Variants in HCRTR2 observed in about 807,000 individuals in gnomAD.
HCRTR2 encodes the protein orexin receptor type 2.
A neutral mutation model predicts 49.0 loss-of-function variants in HCRTR2; 22 were observed. That is an observed-to-expected ratio of 0.45 (90% CI 0.32 to 0.64). The LOEUF is 0.64. Ranked by LOEUF, HCRTR2 falls within the 30% of genes least tolerant of loss-of-function variation. HCRTR2 has a pLI of 0.04. For synonymous variants in HCRTR2, 236 were observed against 205.3 expected (o/e 1.15, Z -1.28); for missense variants, 491 against 559.4 (o/e 0.88, Z 1.23).
intron 1 of HCRTR2, among the ~76,000 whole-genome samples, chr6:55,212,923 T>C (rs1208149030): frequency 1.3e-5 from 2 of 152,120 alleles, no homozygotes; most frequent in Non-Finnish European, 2.9e-5. Flanking sequence ...TCAAAAAATA[T>C]ACTACAAAAA....
At chr6:55,240,689 G>A in intron 1 of HCRTR2, 1 of 297,504 alleles carries the variant, frequency 3.4e-6, no homozygotes, top group Non-Finnish European at 6.9e-6. Context: ...TCAGGATTTG[G>A]TGGAGAGTTT....
intron 1 of HCRTR2, among the ~76,000 whole-genome samples, chr6:55,189,342 A>T (rs1443991520): frequency 6.6e-6 from 1 of 152,236 alleles, no homozygotes; most frequent in Non-Finnish European, 1.5e-5. Flanking sequence ...TCTTCAGGGC[A>T]GTTGTTGTGA....
At chr6:55,221,596 G>A (rs768687561) in intron 1 of HCRTR2, among the ~76,000 whole-genome samples, 18 of 152,070 alleles carry the variant, frequency 1.2e-4, no homozygotes, top group Non-Finnish European at 1.3e-4. Context: ...GTCAGATCAC[G>A]AGGTCAGAAG....
intron 1 of HCRTR2, among the ~76,000 whole-genome samples, chr6:55,184,803 G>A: frequency 6.6e-6 from 1 of 152,136 alleles, no homozygotes; most frequent in East Asian, 1.9e-4. Context: ...CCTACTCAGT[G>A]ACTCTAAAAT....
In HCRTR2 at chr6:55,267,904, G is replaced by A. The variant is rs115048363; in HGVS notation, c.762+4082G>A. Among the ~76,000 whole-genome samples, 534 of 152,218 alleles carry A rather than the reference G, an allele frequency of 3.5e-3. 2 individuals carry two copies. The highest frequency in any genetic ancestry group is 0.012 in the African/African-American group (502 of 41,538). ...TCGAGTCCATACAAAAAAAAATAAG[G>A]AGCACCAGTAAAGGTAACTACATAG... On this transcript the variant is annotated intron_variant, in intron 4 of 6. Coordinates refer to ENST00000370862, the MANE Select transcript of HCRTR2 (RefSeq NM_001384272.1).
At chr6:55,221,075 A>C (rs1378842940) in intron 1 of HCRTR2, among the ~76,000 whole-genome samples, 1 of 152,204 alleles carries the variant, frequency 6.6e-6, no homozygotes, top group Non-Finnish European at 1.5e-5. Context: ...TAGAAAGATA[A>C]TTCTGTTTTC....
At chr6:55,121,575 C>T (rs966152179) in intron 1 of HCRTR2, among the ~76,000 whole-genome samples, 1 of 152,154 alleles carries the variant, frequency 6.6e-6, no homozygotes, top group Admixed American at 6.6e-5. Flanking sequence ...TTTTCCCATT[C>T]AGTATGATAT....
At chr6:55,213,265 T>C (rs1765727695) in intron 1 of HCRTR2, among the ~76,000 whole-genome samples, 2 of 152,310 alleles carry the variant, frequency 1.3e-5, no homozygotes, top group South Asian at 4.1e-4. Context: ...GGATATTGTT[T>C]ATGAAAGGTT....
At chr6:55,150,319 C>A (rs199930788) in intron 1 of HCRTR2, among the ~76,000 whole-genome samples, 2,990 of 150,884 alleles carry the variant, frequency 0.02, 198 homozygotes, top group Admixed American at 0.13. Flanking sequence ...GTTCTTTCTT[C>A]TTATTATTAT....
At chr6:55,164,445 T>C (rs1454110025) in intron 1 of HCRTR2, among the ~76,000 whole-genome samples, 3 of 151,952 alleles carry the variant, frequency 2.0e-5, no homozygotes, top group Non-Finnish European at 4.4e-5. Flanking sequence ...TATGCAGCCA[T>C]AAAAAAGGAT....
chr6:55,272,776 T>C (rs1358990492), intron 4 of HCRTR2, among the ~76,000 whole-genome samples: 5 of 150,486 alleles, frequency 3.3e-5, no homozygotes, highest in African/African-American at 9.8e-5. Context: ...AAATGGTCCA[T>C]AGATGTGCAA....
At chr6:55,190,638 A>G (rs1377963716) in intron 1 of HCRTR2, among the ~76,000 whole-genome samples, 1 of 152,232 alleles carries the variant, frequency 6.6e-6, no homozygotes. Context: ...CTGGATAGTG[A>G]ATAAGTGATT....
rs866956198 is a variant in HCRTR2, at chr6:55,208,325, A to T, written c.223+33515A>T. Among the ~76,000 whole-genome samples, 14 of 143,116 alleles carry T rather than the reference A, an allele frequency of 9.8e-5. 1 individual carries two copies. The highest frequency in any genetic ancestry group is 1.2e-4 in the Non-Finnish European group (8 of 64,652). 93.9% of individuals were successfully genotyped at this position (143,116 alleles called of 152,430 possible). ...AAACAGTCTCTACGAAAAATAAAAA[A>T]ATAAAAAAAAAAAAAAAATAGCCAG... On this transcript the variant is annotated intron_variant, in intron 1 of 6. Transcript: ENST00000370862.
chr6:55,151,090 C>CT (rs1764658918), intron 1 of HCRTR2, among the ~76,000 whole-genome samples: 1 of 151,984 alleles, frequency 6.6e-6, no homozygotes, highest in African/African-American at 2.4e-5. Context: ...GAATTATAAT[C>CT]TTTTTTGCAG....
chr6:55,275,009 G>C (rs866158206), intron 4 of HCRTR2, among the ~76,000 whole-genome samples: 3 of 152,196 alleles, frequency 2.0e-5, no homozygotes, highest in Middle Eastern at 3.4e-3. Context: ...GTCAGTTTTG[G>C]TCATCTTTGT....
chr6:55,260,706 G>A (rs1766738116), intron 3 of HCRTR2, among the ~76,000 whole-genome samples: 1 of 152,100 alleles, frequency 6.6e-6, no homozygotes, highest in South Asian at 2.1e-4. Context: ...AAACTCAACT[G>A]CATCTGAAAG....
intron 1 of HCRTR2, among the ~76,000 whole-genome samples, chr6:55,120,514 A>T (rs1462624199): frequency 6.6e-6 from 1 of 151,516 alleles, no homozygotes; most frequent in Non-Finnish European, 1.5e-5. Flanking sequence ...TTCTCTTTGT[A>T]GCAGTCGTGA....
chr6:55,267,568 T>C (rs1343430782), intron 4 of HCRTR2, among the ~76,000 whole-genome samples: 2 of 152,282 alleles, frequency 1.3e-5, no homozygotes, highest in East Asian at 3.9e-4. Context: ...CACTAAATCT[T>C]AATCGTCATG....
intron 1 of HCRTR2, among the ~76,000 whole-genome samples, chr6:55,180,958 C>T (rs1299807424): frequency 7.3e-6 from 1 of 137,794 alleles, no homozygotes; most frequent in Admixed American, 7.6e-5. Flanking sequence ...TGCCACCATG[C>T]CCAGCTATTT....
Sources: gnomAD v4.1 joint callset for allele counts (sites outside exome capture counted in the v4.1 genomes callset) on GRCh38, gnomAD v4.1.1 for gene constraint, MANE v1.5 for transcripts, NCBI Gene and HGNC (gene_info 2026-07-23, HGNC 2026-07-21) for gene names.